The following KHDRBS2 variants were observed in gnomAD, a reference collection of about 807,000 sequenced individuals.
The protein encoded by KHDRBS2 is KH domain-containing, RNA-binding, signal transduction-associated protein 2.
KHDRBS2 carries 26 observed loss-of-function variants against 44.3 expected under a neutral mutation model. The observed-to-expected ratio is 0.59, with a 90% CI of 0.43 to 0.81. The LOEUF (loss-of-function observed/expected upper bound fraction) is 0.81. Ranked by LOEUF, KHDRBS2 falls within the 40% of genes least tolerant of loss-of-function variation. KHDRBS2 has a pLI of 0.00. For missense variants in KHDRBS2, 476 were observed against 433.1 expected (o/e 1.10, Z -0.88); for synonymous variants, 194 against 151.1 (o/e 1.28, Z -2.08).
At chr6:61,928,390 A>G (rs928052127) in intron 4 of KHDRBS2, among the ~76,000 whole-genome samples, 3 of 152,096 alleles carry the variant, frequency 2.0e-5, no homozygotes, top group Non-Finnish European at 4.4e-5. Flanking sequence ...GAGGAGAAAA[A>G]CACTATTTTC....
At chr6:62,220,500 T>C (rs1294363353) in intron 1 of KHDRBS2, among the ~76,000 whole-genome samples, 1 of 151,868 alleles carries the variant, frequency 6.6e-6, no homozygotes, top group Non-Finnish European at 1.5e-5. Context: ...CACAAGTACA[T>C]AGTTAAAATA....
At chr6:62,189,002 C>T (rs544005213) in intron 1 of KHDRBS2, among the ~76,000 whole-genome samples, 2 of 152,198 alleles carry the variant, frequency 1.3e-5, no homozygotes, top group East Asian at 3.9e-4. Flanking sequence ...GTAATCCCAT[C>T]TACTCAAAGG....
At chr6:62,190,718 T>C (rs1333402281) in intron 1 of KHDRBS2, among the ~76,000 whole-genome samples, 1 of 152,044 alleles carries the variant, frequency 6.6e-6, no homozygotes, top group Non-Finnish European at 1.5e-5. Flanking sequence ...ACCTATTAGC[T>C]CTAAAACCTA....
intron 6 of KHDRBS2, among the ~76,000 whole-genome samples, chr6:61,870,422 C>G (rs531015441): frequency 3.8e-4 from 58 of 152,300 alleles, no homozygotes; most frequent in African/African-American, 1.3e-3. Context: ...CACCCATCTG[C>G]CTGGGACAGA....
chr6:62,219,495 T>C (rs951097676), intron 1 of KHDRBS2, among the ~76,000 whole-genome samples: 6 of 151,628 alleles, frequency 4.0e-5, no homozygotes, highest in African/African-American at 1.4e-4. Flanking sequence ...TATATCAACA[T>C]GAAATAGCGA....
chr6:61,955,001 T>C (rs111209842), intron 4 of KHDRBS2, among the ~76,000 whole-genome samples: 7,616 of 140,224 alleles, frequency 0.054, 382 homozygotes, highest in Middle Eastern at 0.17. Context: ...TATATAGACA[T>C]ACATATGTAT....
chr6:62,169,117 G>A (rs1178748798), intron 2 of KHDRBS2, among the ~76,000 whole-genome samples: 1 of 135,070 alleles, frequency 7.4e-6, no homozygotes, highest in South Asian at 2.3e-4. Context: ...ACATATATGT[G>A]TGTATATATA....
At chr6:61,945,727 G>T (rs1813228221) in intron 4 of KHDRBS2, among the ~76,000 whole-genome samples, 1 of 150,078 alleles carries the variant, frequency 6.7e-6, no homozygotes, top group African/African-American at 2.5e-5. Context: ...AAATGTCTTA[G>T]ATATAAATAA....
chr6:62,178,964 T>C (rs1821703333), intron 1 of KHDRBS2, among the ~76,000 whole-genome samples: 1 of 151,596 alleles, frequency 6.6e-6, no homozygotes, highest in Non-Finnish European at 1.5e-5. Context: ...AATTATCTTT[T>C]AAAGGTCTGA....
At chr6:61,982,412 C>T (rs1422563986) in intron 3 of KHDRBS2, among the ~76,000 whole-genome samples, 62 of 152,068 alleles carry the variant, frequency 4.1e-4, no homozygotes, top group Admixed American at 4.1e-3. Flanking sequence ...TGGCTCACGC[C>T]TGTAATCTCA....
intron 2 of KHDRBS2, among the ~76,000 whole-genome samples, chr6:62,169,210 T>TATATACGTATACGTATATGTATATATAC (rs1454018151): frequency 2.7e-5 from 4 of 145,666 alleles, no homozygotes; most frequent in Non-Finnish European, 4.5e-5. Context: ...TGTATATATA[T>TATATACGTATACGTATATGTATATATAC]GTATATATAC....
chr6:62,101,593 G>T (rs1801917494), intron 2 of KHDRBS2, among the ~76,000 whole-genome samples: 1 of 152,168 alleles, frequency 6.6e-6, no homozygotes, highest in Non-Finnish European at 1.5e-5. Context: ...TAGGATTCTG[G>T]ATATGTACTC....
At chr6:62,245,423 T>C (rs1489124391) in intron 1 of KHDRBS2, among the ~76,000 whole-genome samples, 1 of 152,152 alleles carries the variant, frequency 6.6e-6, no homozygotes, top group African/African-American at 2.4e-5. Context: ...CTGAAATCCT[T>C]TGAAAACCTG....
chr6:62,244,048 A>T (rs147150307), intron 1 of KHDRBS2, among the ~76,000 whole-genome samples: 14 of 152,224 alleles, frequency 9.2e-5, no homozygotes, highest in Admixed American at 2.6e-4. Flanking sequence ...TCATTCTGTC[A>T]GTCTTAGAAC....
At chr6:62,131,034 C>T (rs1276260776) in intron 2 of KHDRBS2, among the ~76,000 whole-genome samples, 1 of 151,926 alleles carries the variant, frequency 6.6e-6, no homozygotes, top group Admixed American at 6.6e-5. Context: ...ATATTATTAA[C>T]ATTATTATTT....
At chr6:62,062,674 C>A (rs1488831568) in intron 2 of KHDRBS2, among the ~76,000 whole-genome samples, 1 of 148,188 alleles carries the variant, frequency 6.7e-6, no homozygotes, top group African/African-American at 2.5e-5. Context: ...CAAGAGAAAG[C>A]AGGAAAGATC....
intron 1 of KHDRBS2, among the ~76,000 whole-genome samples, chr6:62,212,555 T>C (rs947867846): frequency 6.6e-6 from 1 of 152,154 alleles, no homozygotes; most frequent in Non-Finnish European, 1.5e-5. Context: ...TAAGGCCATA[T>C]TGGAATAGGG....
chr6:62,190,051 T>C (rs149187886), intron 1 of KHDRBS2, among the ~76,000 whole-genome samples: 59 of 152,120 alleles, frequency 3.9e-4, no homozygotes, highest in Non-Finnish European at 7.4e-4. Context: ...CTGAGCCCAG[T>C]GATACTCTAA....
At chr6:62,259,801 A>G (rs1838034706) in intron 1 of KHDRBS2, among the ~76,000 whole-genome samples, 2 of 152,026 alleles carry the variant, frequency 1.3e-5, no homozygotes, top group Admixed American at 1.3e-4. Flanking sequence ...TAAAAATATT[A>G]TTATTTGCAT....
Sources: gnomAD v4.1 joint callset for allele counts (sites outside exome capture counted in the v4.1 genomes callset) on GRCh38, gnomAD v4.1.1 for gene constraint, MANE v1.5 for transcripts, NCBI Gene and HGNC (gene_info 2026-07-23, HGNC 2026-07-21) for gene names.